ELMO1: variants seen among roughly 807,000 people sequenced by gnomAD.
ELMO1 encodes engulfment and cell motility 1, also known as engulfment and cell motility protein 1.
ELMO1 carries 26 observed loss-of-function variants against 98.9 expected under a neutral mutation model. That is an observed-to-expected ratio of 0.26 (90% CI 0.19 to 0.36). The LOEUF (loss-of-function observed/expected upper bound fraction) is 0.36, where lower values mean the gene tolerates loss of function less well. ELMO1 is among the 10% of genes least tolerant of loss of function. The probability of loss-of-function intolerance (pLI) is 1.00; values close to 1 mark genes in which losing one functional copy is unlikely to be tolerated. For missense variants in ELMO1, 627 were observed against 935.2 expected (o/e 0.67, Z 4.30); for synonymous variants, 346 against 346.0 (o/e 1.00, Z 0.00).
chr7:37,421,014 T>C (rs932744244), intron 1 of ELMO1, among the ~76,000 whole-genome samples: 3 of 152,220 alleles, frequency 2.0e-5, no homozygotes, highest in Non-Finnish European at 4.4e-5. Flanking sequence ...TGCCATGCAG[T>C]ATGTAAAAGT....
At chr7:36,872,121 C>G (rs1481576046) in intron 19 of ELMO1, among the ~76,000 whole-genome samples, 1 of 152,162 alleles carries the variant, frequency 6.6e-6, no homozygotes. Flanking sequence ...TTAATTTTAG[C>G]CAATGAAATG....
intron 16 of ELMO1, among the ~76,000 whole-genome samples, chr7:37,012,876 C>T (rs1271221351): frequency 5.9e-5 from 9 of 152,158 alleles, no homozygotes; most frequent in African/African-American, 1.4e-4. Flanking sequence ...AAGAAACCAC[C>T]GGACTAGGTG....
At chr7:37,418,360 G>A (rs1231135390) in intron 1 of ELMO1, among the ~76,000 whole-genome samples, 1 of 152,142 alleles carries the variant, frequency 6.6e-6, no homozygotes, top group Non-Finnish European at 1.5e-5. Context: ...AGGCATCTCT[G>A]CTCCCCATAC....
At chr7:37,346,035 T>C (rs1049417606) in intron 1 of ELMO1, among the ~76,000 whole-genome samples, 6 of 150,062 alleles carry the variant, frequency 4.0e-5, no homozygotes, top group African/African-American at 1.5e-4. Flanking sequence ...ATGGGGCCCC[T>C]GTGGACGTCT....
chr7:36,975,304 T>C (rs1256708543), intron 16 of ELMO1, among the ~76,000 whole-genome samples: 3 of 151,816 alleles, frequency 2.0e-5, no homozygotes, highest in Admixed American at 2.0e-4. Context: ...ACCCTGTCTC[T>C]ATTAAAAAAA....
chr7:37,170,170 G>A (rs1790052395), intron 13 of ELMO1, among the ~76,000 whole-genome samples: 1 of 152,236 alleles, frequency 6.6e-6, no homozygotes, highest in Non-Finnish European at 1.5e-5. Context: ...CTCCCAAAGT[G>A]CTGGGATTAC....
chr7:37,125,684 T>A (rs1331808569), intron 14 of ELMO1, among the ~76,000 whole-genome samples: 1 of 152,174 alleles, frequency 6.6e-6, no homozygotes, highest in Admixed American at 6.5e-5. Flanking sequence ...CAGGAACACT[T>A]TTACACCGTT....
chr7:36,960,234 G>C (rs1371197925), intron 16 of ELMO1, among the ~76,000 whole-genome samples: 1 of 152,100 alleles, frequency 6.6e-6, no homozygotes, highest in African/African-American at 2.4e-5. Context: ...CTTTTCTCCA[G>C]TTAATTGGTC....
intron 16 of ELMO1, among the ~76,000 whole-genome samples, chr7:37,003,379 GA>G: frequency 6.6e-6 from 1 of 152,224 alleles, no homozygotes; most frequent in African/African-American, 2.4e-5. Context: ...GAAAAGAAAA[GA>G]AAAGAGAAAA....
At chr7:36,974,929 C>A (rs555901393) in intron 16 of ELMO1, among the ~76,000 whole-genome samples, 1 of 152,220 alleles carries the variant, frequency 6.6e-6, no homozygotes, top group South Asian at 2.1e-4. Context: ...TCTGCAACTT[C>A]ACTCCTGAGC....
intron 2 of ELMO1, among the ~76,000 whole-genome samples, chr7:37,339,751 T>C (rs1355260522): frequency 6.6e-6 from 1 of 152,064 alleles, no homozygotes; most frequent in East Asian, 1.9e-4. Context: ...CCGTCTAGGT[T>C]TCCATATGTG....
At chr7:37,109,853 A>C (rs953681039) in intron 14 of ELMO1, among the ~76,000 whole-genome samples, 1 of 152,230 alleles carries the variant, frequency 6.6e-6, no homozygotes, top group Non-Finnish European at 1.5e-5. Flanking sequence ...CAAGAGACTC[A>C]AATATATTTC....
At chr7:36,984,274 G>C (rs1791328856) in intron 16 of ELMO1, among the ~76,000 whole-genome samples, 2 of 152,214 alleles carry the variant, frequency 1.3e-5, no homozygotes, top group East Asian at 3.9e-4. Context: ...GCCATCTGGA[G>C]CCTCATGGGA....
chr7:37,375,419 T>A (rs1048763815), intron 1 of ELMO1: 4 of 613,998 alleles, frequency 6.5e-6, no homozygotes, highest in Non-Finnish European at 1.2e-5. Context: ...TAGATAGCCT[T>A]GTTTATGCCC....
At chr7:37,422,076 C>G (rs1804498027) in intron 1 of ELMO1, among the ~76,000 whole-genome samples, 1 of 152,234 alleles carries the variant, frequency 6.6e-6, no homozygotes, top group Admixed American at 6.5e-5. Context: ...TCTCATCTGA[C>G]TGGTTAGCTC....
chr7:36,873,128 A>T (rs1328251546), intron 19 of ELMO1, among the ~76,000 whole-genome samples: 1 of 152,198 alleles, frequency 6.6e-6, no homozygotes, highest in Non-Finnish European at 1.5e-5. Flanking sequence ...CATTCATAGG[A>T]TTATGACTAA....
chr7:37,194,574 CA>C (rs1456239061), intron 13 of ELMO1, among the ~76,000 whole-genome samples: 58 of 152,186 alleles, frequency 3.8e-4, no homozygotes, highest in African/African-American at 1.4e-3. Flanking sequence ...TACAAATTAT[CA>C]AATATCATCC....
intron 21 of ELMO1, among the ~76,000 whole-genome samples, chr7:36,857,873 A>C (rs1802326342): frequency 6.6e-6 from 1 of 152,222 alleles, no homozygotes; most frequent in South Asian, 2.1e-4. Flanking sequence ...AAACATAAAG[A>C]TAAACCTGGA....
intron 15 of ELMO1, among the ~76,000 whole-genome samples, chr7:37,016,159 A>G (rs925694866): frequency 1.3e-5 from 2 of 152,094 alleles, no homozygotes; most frequent in African/African-American, 4.8e-5. Flanking sequence ...TTTATGCCCT[A>G]AAGTTTTTAT....
Sources: allele counts gnomAD v4.1 joint callset (sites outside exome capture counted in the v4.1 genomes callset), GRCh38; gene constraint gnomAD v4.1.1; transcripts MANE v1.5; gene names NCBI Gene and HGNC (gene_info 2026-07-23, HGNC 2026-07-21).